The following DHX38 variants were observed in gnomAD, a reference collection of about 807,000 sequenced individuals.
DHX38 encodes DEAH-box helicase 38, also known as pre-mRNA-splicing factor ATP-dependent RNA helicase PRP16.
Under a neutral mutation model 153.1 loss-of-function variants are expected in DHX38, and 100 were observed. The ratio of observed to expected loss-of-function variants is 0.65; its 90% CI spans 0.56 to 0.77. The LOEUF is 0.77. Among genes scored for constraint, DHX38 ranks in the 30% least tolerant of loss-of-function variants. The pLI is 0.00. For synonymous variants in DHX38, 650 were observed against 631.7 expected, an observed-to-expected ratio of 1.03 and a Z score of -0.43; for missense variants, 1,440 against 1,654.0, an observed-to-expected ratio of 0.87 and a Z score of 2.24.
chr16:72,103,876 G>C, intron 13 of DHX38, 70 bp from the exon 14 acceptor site: 1 of 1,601,588 alleles, frequency 6.2e-7, no homozygotes, highest in Non-Finnish European at 8.5e-7. Flanking sequence ...CTAAGACTCG[G>C]ACCCCAGTAC....
At position 72,105,985 on chromosome 16, in the gene DHX38, T is replaced by A. The variant is rs1567609584; in HGVS notation, c.2488-20T>A. 1 of 1,609,922 alleles carries A rather than the reference T, an allele frequency of 6.2e-7. No homozygotes were observed. Among genetic ancestry groups the A allele is most frequent in the East Asian group, 2.2e-5 (1 of 44,808 alleles). Reference sequence around the variant, plus strand: ...TCCCCTCACTCTGTCCTTCGTCAGCTCTTTGCCGTCCCCTCCTAGGTCTTC... The same window carrying A: ...TCCCCTCACTCTGTCCTTCGTCAGCACTTTGCCGTCCCCTCCTAGGTCTTC... On this transcript the variant is annotated intron_variant, in intron 18 of 26. Transcript: ENST00000268482.
In DHX38 at chr16:72,103,722, G is replaced by C. The variant is rs1272482427; in HGVS notation, c.1758G>C (p.Arg586=). ...GGATGATTGGGTGTACCCAGCCCCGGCGTGTAGCTGCCATGTCAGTGGCCA... is the reference window on the plus strand; with the variant it reads ...GGATGATTGGGTGTACCCAGCCCCGCCGTGTAGCTGCCATGTCAGTGGCCA... ...DYGMIGCTQP[R]RVAAMSVAKR... Residue 586 remains arginine (R), a synonymous_variant, in exon 13 of 27, where the codon CGG becomes CGC. Coordinates refer to ENST00000268482, the MANE Select transcript of DHX38 (RefSeq NM_014003.4). 1.2e-6 allele frequency: 2 copies of C among 1,613,990 alleles called. No individual in the cohort carries two copies. Among genetic ancestry groups the C allele is most frequent in the African/African-American group, 2.7e-5 (2 of 74,928 alleles).
intron 9 of DHX38, 65 bp downstream of exon 9, chr16:72,100,662 G>A: frequency 1.3e-6 from 2 of 1,579,806 alleles, no homozygotes; most frequent in East Asian, 2.2e-5. Context: ...CAGGTGCAGT[G>A]GCTCATGCCT....
chr16:72,110,897 G>C, intron 25 of DHX38, 59 bp from the exon 26 acceptor site: 1 of 1,520,074 alleles, frequency 6.6e-7, no homozygotes, highest in Non-Finnish European at 8.9e-7. Flanking sequence ...GGGTGCCGAC[G>C]AGGCCTCCTT....
In DHX38 at chr16:72,110,947, CT is replaced by C; in HGVS notation, c.3478-7del. On this transcript the variant is annotated splice_polypyrimidine_tract_variant and splice_region_variant and intron_variant, in intron 25 of 26. Transcript: ENST00000268482. Reference sequence around the variant, plus strand: ...AGTAGGCTCAGCCAGGTCTGTCCCTCTTCAATAGGAGAACCGTCGTCGGGCC... The same window carrying C: ...AGTAGGCTCAGCCAGGTCTGTCCCTCTCAATAGGAGAACCGTCGTCGGGCC... 6.3e-7 allele frequency: 1 copy of C among 1,582,738 alleles called. No individual in the cohort carries two copies. Among genetic ancestry groups the C allele is most frequent in the South Asian group, 1.2e-5 (1 of 86,562 alleles).
chr16:72,098,843 C>T, intron 5 of DHX38, 51 bp downstream of exon 5: 1 of 1,613,188 alleles, frequency 6.2e-7, no homozygotes, highest in Non-Finnish European at 8.5e-7. Flanking sequence ...CGGTAAGGAG[C>T]CTCGGCAGGG....
chr16:72,103,580 C>G (rs376272460), intron 12 of DHX38, 22 bp from the exon 13 acceptor site: 357 of 1,594,082 alleles, frequency 2.2e-4, no homozygotes, highest in Non-Finnish European at 3.0e-4. Context: ...CTGATAAGCC[C>G]TTTGCCTGCT....
At chr16:72,106,376 C>T (rs1401313992) in intron 19 of DHX38, among the ~76,000 whole-genome samples, 1 of 151,604 alleles carries the variant, frequency 6.6e-6, no homozygotes, top group Non-Finnish European at 1.5e-5. Context: ...TGCCTCCCTT[C>T]AGAGGGTAGG....
At chr16:72,103,254 G>T in intron 12 of DHX38, 43 bp downstream of exon 12, 1 of 1,598,000 alleles carries the variant, frequency 6.3e-7, no homozygotes, top group Non-Finnish European at 8.5e-7. Context: ...CAAGTCAGGG[G>T]TGCCCTTGGT....
intron 11 of DHX38, 41 bp from the exon 12 acceptor site, chr16:72,103,032 TG>T (rs1432387440): frequency 6.2e-7 from 1 of 1,607,670 alleles, no homozygotes; most frequent in Admixed American, 1.7e-5. Context: ...AAGGACAGCA[TG>T]GGGCACCATG....
At position 72,104,987 on chromosome 16, in the gene DHX38, C is replaced by T. The variant is rs1037980815; in HGVS notation, c.2152-40C>T. On this transcript the variant is annotated intron_variant, in intron 15 of 26. Transcript: ENST00000268482. This position sits in a 1 kb window ranked among gnomAD's most constrained non-coding sequence, Gnocchi z 4.5. ...CCCAGGAGATGCCCGGCCTGCGCTTCTAGTACCTCCCTCTGACTGTGTCCC... is the reference window on the plus strand; with the variant it reads ...CCCAGGAGATGCCCGGCCTGCGCTTTTAGTACCTCCCTCTGACTGTGTCCC... 6.3e-7 allele frequency: 1 copy of T among 1,598,310 alleles called. No individual in the cohort carries two copies. The highest frequency in any genetic ancestry group is 2.2e-5 in the East Asian group (1 of 44,736).
rs2042202803 is a variant in DHX38, at chr16:72,107,978, G to A, written c.2964+179G>A. Among the ~76,000 whole-genome samples, 1 of 152,244 alleles carries A rather than the reference G, an allele frequency of 6.6e-6. No homozygotes were observed. The highest frequency in any genetic ancestry group is 1.5e-5 in the Non-Finnish European group (1 of 68,038). ...GGGGAAAGGAAGGGCTGGGCCAGTG[G>A]TTCTCAGGGAATGCTTTGGAAATTT... On this transcript the variant is annotated intron_variant, in intron 21 of 26. Coordinates refer to ENST00000268482, the MANE Select transcript of DHX38 (RefSeq NM_014003.4). This position sits in a 1 kb window ranked among gnomAD's most constrained non-coding sequence, Gnocchi z 5.3.
Position 72,097,742 on chromosome 16 carries a change from A to G in DHX38, c.577A>G (p.Arg193Gly). 6.2e-7 allele frequency: 1 copy of G among 1,614,172 alleles called. No homozygotes were observed. Among genetic ancestry groups the G allele is most frequent in the Non-Finnish European group, 8.5e-7 (1 of 1,180,002 alleles). The change falls in exon 4 of 27, where the codon AGA becomes GGA. Residue 193 changes from arginine (R) to glycine (G), a missense_variant. Arg to Gly is a moderately radical substitution (Grantham distance 125, BLOSUM62 -2). This residue lies in a region of DHX38 where 483 missense variants were observed against 465.1 expected (regional missense o/e 1.04). Coordinates refer to ENST00000268482, the MANE Select transcript of DHX38 (RefSeq NM_014003.4). ...ERDGGSERSSRRNEPESPRHR... is the reference protein window; with the variant it reads ...ERDGGSERSSGRNEPESPRHR... ...AGATGGAGGGTCAGAGCGTAGCAGC[A>G]GAAGAAATGAACCCGAGAGCCCACG...
Position 72,108,356 on chromosome 16 carries a change from T to G in DHX38, c.3094T>G (p.Phe1032Val). 6.2e-7 allele frequency: 1 copy of G among 1,614,178 alleles called. No individual in the cohort carries two copies. The highest frequency in any genetic ancestry group is 1.7e-5 in the Admixed American group (1 of 60,024). The change falls in exon 22 of 27, where the codon TTC becomes GTC. Residue 1032 changes from phenylalanine to valine, a missense_variant. Around this residue, in one of 6 missense-constraint regions of DHX38, gnomAD observed 543 missense variants for 717.9 expected, o/e 0.76. Coordinates refer to ENST00000268482, the MANE Select transcript of DHX38 (RefSeq NM_014003.4). ...CTCCACCATCTGGTGTAACGATCAT[T>G]TCATCCATGCTAAGGCCATGCGGAA... ...NYSTIWCNDH[F>V]IHAKAMRKVR...
rs1377960926 is a variant in DHX38, at chr16:72,108,296, C to T, written c.3034C>T (p.Leu1012=). 6.2e-7 allele frequency: 1 copy of T among 1,614,138 alleles called. No individual in the cohort carries two copies. The highest frequency in any genetic ancestry group is 1.3e-5 in the African/African-American group (1 of 75,032). ...TCCTGAGAGCGATCATTTGACCTACCTGAATGTTTACCTGCAGTGGAAGAA... is the reference window on the plus strand; with the variant it reads ...TCCTGAGAGCGATCATTTGACCTACTTGAATGTTTACCTGCAGTGGAAGAA... ...AVPESDHLTY[L]NVYLQWKNNN... Residue 1012 remains leucine, a synonymous_variant, in exon 22 of 27, where the codon CTG becomes TTG. Coordinates refer to ENST00000268482, the MANE Select transcript of DHX38 (RefSeq NM_014003.4).
In DHX38 at chr16:72,103,634, CG is replaced by C; in HGVS notation, c.1674del (p.Ser559ValfsTer7). 6.2e-7 allele frequency: 1 copy of C among 1,611,904 alleles called. No homozygotes were observed. The highest frequency in any genetic ancestry group is 8.5e-7 in the Non-Finnish European group (1 of 1,178,122). ...DNSIVIVVGE[T>X]GSGKTTQLTQ... is the part of the protein sequence containing the mutation. ...AGCATCGTGATCGTGGTTGGGGAGA[CG>C]GGGAGTGGTAAGACCACTCAGCTGA... On this transcript the variant is annotated frameshift_variant, in exon 13 of 27. Coordinates refer to ENST00000268482, the MANE Select transcript of DHX38 (RefSeq NM_014003.4). LOFTEE classifies it high-confidence loss of function.
In DHX38 at chr16:72,105,368, C is replaced by G. The variant is rs751999587; in HGVS notation, c.2379+20C>G. On this transcript the variant is annotated intron_variant, in intron 17 of 26. Transcript: ENST00000268482. ...CAGAAGGTGTGTCAGCAGGAATGTCCAGGAGTGGCTCTTGGAGTTCTCTAA... is the reference window on the plus strand; with the variant it reads ...CAGAAGGTGTGTCAGCAGGAATGTCGAGGAGTGGCTCTTGGAGTTCTCTAA... The G allele has an allele frequency of 3.8e-5, 62 of 1,612,366 alleles. No individual in the cohort carries two copies. Among genetic ancestry groups the G allele is most frequent in the Non-Finnish European group, 5.2e-5 (61 of 1,178,572 alleles).
chr16:72,108,809 G>A lies in DHX38; in HGVS notation c.3265G>A (p.Glu1089Lys). The A allele has an allele frequency of 6.2e-7, 1 of 1,613,640 alleles. No homozygotes were observed. Among genetic ancestry groups the A allele is most frequent in the Non-Finnish European group, 8.5e-7 (1 of 1,179,796 alleles). Residue 1089 changes from glutamate (E) to lysine (K), a missense_variant, in exon 24 of 27, where the codon GAG (glutamate) becomes AAG (lysine). Transcript: ENST00000268482. Reference protein sequence around the residue: ...HQAAKLKGIGEYVNIRTGMPC... With the variant: ...HQAAKLKGIGKYVNIRTGMPC... ...TGTGTCTCCTCCCTAGGGAATCGGG[G>A]AGTACGTGAACATCCGCACAGGGAT...
In DHX38 at chr16:72,096,996, C is replaced by T. The variant is rs777674693; in HGVS notation, c.498C>T (p.Arg166=). The change falls in exon 3 of 27, where the codon CGC becomes CGT. Residue 166 remains arginine (R), a synonymous_variant. Coordinates refer to ENST00000268482, the MANE Select transcript of DHX38 (RefSeq NM_014003.4). ...AATCGCGGGATCGAGACTATGACCG[C>T]AAGAGGGACAGAGGTAAACTGTCCA... ...KEKSRDRDYD[R]KRDRDERDRS... The T allele has an allele frequency of 6.2e-7, 1 of 1,613,610 alleles. No homozygotes were observed. Among genetic ancestry groups the T allele is most frequent in the Admixed American group, 1.7e-5 (1 of 59,994 alleles).
Sources: gnomAD v4.1 joint callset for allele counts (sites outside exome capture counted in the v4.1 genomes callset) on GRCh38, gnomAD v4.1.1 for gene constraint, gnomAD v4.1.1 regional missense constraint, Gnocchi (gnomAD v3.1) non-coding constraint, MANE v1.5 for transcripts, NCBI Gene and HGNC (gene_info 2026-07-23, HGNC 2026-07-21) for gene names.